The following ME1 variants were observed in gnomAD, a reference collection of about 807,000 sequenced individuals.
ME1 encodes NADP-dependent malic enzyme.
Under a neutral mutation model 66.4 loss-of-function variants are expected in ME1, and 74 were observed. That is an observed-to-expected ratio of 1.11 (90% CI 0.92 to 1.35). The LOEUF (loss-of-function observed/expected upper bound fraction) is 1.35, where lower values mean the gene tolerates loss of function less well. Ranked by LOEUF, ME1 falls within the 40% of genes most tolerant of loss-of-function variation. The probability of loss-of-function intolerance (pLI) is 0.00; values close to 1 mark genes in which losing one functional copy is unlikely to be tolerated. For missense variants in ME1, 750 were observed against 694.1 expected, an observed-to-expected ratio of 1.08 and a Z score of -0.90; for synonymous variants, 251 against 235.6, an observed-to-expected ratio of 1.07 and a Z score of -0.60.
chr6:83,286,107 C>T (rs944219473), intron 6 of ME1, among the ~76,000 whole-genome samples: 1 of 152,094 alleles, frequency 6.6e-6, no homozygotes, highest in African/African-American at 2.4e-5. Flanking sequence ...GAGTGTCGTG[C>T]ACTGATTAAA....
rs370388842 is a variant in ME1 at position 83,315,290 on chromosome 6, G to A, written c.704+20C>T. On this transcript the variant is annotated intron_variant, in intron 6 of 13. Transcript: ENST00000369705. ...TGTTATTGTTACTGACTAAAATATA[G>A]GTTAAATAAAGATACATACTTGGAA... The A allele has an allele frequency of 7.0e-7, 1 of 1,434,166 alleles. No homozygotes were observed. Among genetic ancestry groups the A allele is most frequent in the African/African-American group, 1.4e-5 (1 of 70,776 alleles). 88.8% of individuals were successfully genotyped at this position (1,434,166 alleles called of 1,614,324 possible).
intron 3 of ME1, 31 bp downstream of exon 3, chr6:83,398,336 C>T: frequency 1.4e-6 from 2 of 1,479,404 alleles, no homozygotes; most frequent in Non-Finnish European, 1.8e-6. Context: ...AATAAAGACA[C>T]AAGTTGCATA....
At chr6:83,264,923 A>C (rs1766961296) in intron 6 of ME1, among the ~76,000 whole-genome samples, 1 of 152,248 alleles carries the variant, frequency 6.6e-6, no homozygotes, top group Admixed American at 6.5e-5. Flanking sequence ...CCTGGTTTGA[A>C]AGGATTGACT....
intron 2 of ME1, among the ~76,000 whole-genome samples, chr6:83,400,751 C>T (rs1488468787): frequency 3.9e-5 from 6 of 152,182 alleles, no homozygotes; most frequent in Admixed American, 3.9e-4. Context: ...CCTCAAGAGG[C>T]TACCCTTTCC....
At chr6:83,281,682 T>C (rs1157712725) in intron 6 of ME1, among the ~76,000 whole-genome samples, 3 of 151,334 alleles carry the variant, frequency 2.0e-5, no homozygotes, top group Non-Finnish European at 4.4e-5. Context: ...GGTGGGAGTC[T>C]ATAATTCCAG....
intron 1 of ME1, among the ~76,000 whole-genome samples, chr6:83,422,673 C>G (rs762603424): frequency 1.3e-5 from 2 of 151,996 alleles, no homozygotes; most frequent in Non-Finnish European, 2.9e-5. Context: ...AATTTTAGAA[C>G]TTAAAAATAC....
chr6:83,362,042 C>A (rs1470236622), intron 3 of ME1, among the ~76,000 whole-genome samples: 1 of 152,198 alleles, frequency 6.6e-6, no homozygotes, highest in East Asian at 1.9e-4. Flanking sequence ...GCACAATATG[C>A]AGATAACACC....
At chr6:83,410,570 C>G (rs1316681394) in intron 1 of ME1, among the ~76,000 whole-genome samples, 1 of 151,884 alleles carries the variant, frequency 6.6e-6, no homozygotes, top group Non-Finnish European at 1.5e-5. Flanking sequence ...AGAGAAAACT[C>G]AATAGATTTT....
At chr6:83,218,925 T>A (rs562004357) in intron 12 of ME1, among the ~76,000 whole-genome samples, 1 of 152,338 alleles carries the variant, frequency 6.6e-6, no homozygotes, top group East Asian at 1.9e-4. Context: ...GACATTTGAA[T>A]TGGATATAAC....
intron 6 of ME1, 55 bp from the exon 7 acceptor site, chr6:83,253,793 T>C (rs1198744646): frequency 4.5e-6 from 4 of 893,736 alleles, no homozygotes; most frequent in Non-Finnish European, 7.2e-6. Flanking sequence ...TATTTAAAAA[T>C]AAACTTTTAA....
intron 5 of ME1, among the ~76,000 whole-genome samples, chr6:83,334,323 G>A (rs1224975258): frequency 2.5e-5 from 3 of 119,156 alleles, no homozygotes; most frequent in Non-Finnish European, 5.2e-5. Context: ...CTACGCCCAC[G>A]GAATCTCGCT....
intron 7 of ME1, among the ~76,000 whole-genome samples, chr6:83,242,556 C>T (rs1449671134): frequency 6.6e-6 from 1 of 151,990 alleles, no homozygotes; most frequent in Non-Finnish European, 1.5e-5. Context: ...GTTTCAGAAC[C>T]TCAGACAAGA....
intron 12 of ME1, among the ~76,000 whole-genome samples, chr6:83,220,678 T>C (rs2128523022): frequency 6.6e-6 from 1 of 152,340 alleles, no homozygotes; most frequent in Non-Finnish European, 1.5e-5. Context: ...AGTACTTTTC[T>C]TCTTTTTGGG....
intron 2 of ME1, among the ~76,000 whole-genome samples, chr6:83,406,908 T>G (rs777544288): frequency 6.6e-6 from 1 of 151,442 alleles, no homozygotes; most frequent in Admixed American, 6.6e-5. Flanking sequence ...GATTTTGGAT[T>G]TAACAAGCCT....
intron 9 of ME1, among the ~76,000 whole-genome samples, chr6:83,234,224 C>T (rs572591131): frequency 2.3e-4 from 35 of 152,294 alleles, no homozygotes; most frequent in Non-Finnish European, 4.9e-4. Context: ...AATAAAACCA[C>T]ATAGACTTCC....
Position 83,211,956 on chromosome 6 carries a change from C to A in ME1, c.1687G>T (p.Val563Leu), listed in dbSNP as rs549502006. Residue 563 changes from valine to leucine, a missense_variant, in exon 14 of 14, where the codon GTG (valine) becomes TTG (leucine). Val to Leu is a conservative substitution (Grantham distance 32). Coordinates refer to ENST00000369705, the MANE Select transcript of ME1 (RefSeq NM_002395.6). The stretch of plus-strand genomic sequence containing the variant: ...TCAACTTTGGTCTGTATTTTCTGCA[C>A]CTCTTCAGGCCAAGAATAACAATCA... ...LPDCYSWPEE[V>L]QKIQTKVDQ The A allele has an allele frequency of 1.6e-5, 26 of 1,604,718 alleles. No individual in the cohort carries two copies. The highest frequency in any genetic ancestry group is 2.0e-5 in the Non-Finnish European group (23 of 1,174,926).
In ME1 at chr6:83,216,232, G is replaced by A. The variant is rs181340975; in HGVS notation, c.1548+266C>T. 2.0e-5 allele frequency among the ~76,000 whole-genome samples: 3 copies of A among 152,270 alleles called. No individual in the cohort carries two copies. In the East Asian group the frequency reaches 5.8e-4, roughly 29 times the overall value. On this transcript the variant is annotated intron_variant, in intron 13 of 13. Coordinates refer to ENST00000369705, the MANE Select transcript of ME1 (RefSeq NM_002395.6). ...ATGGGAGAAATCTGGCTGACAGGAA[G>A]CCCTAATGAATTATTTAAATTTTAG...
At chr6:83,378,336 C>T (rs1769333112) in intron 3 of ME1, among the ~76,000 whole-genome samples, 2 of 152,134 alleles carry the variant, frequency 1.3e-5, no homozygotes, top group Admixed American at 6.5e-5. Flanking sequence ...GAAAAAAAGG[C>T]ATTTCTTTGA....
At chr6:83,285,990 A>G (rs905733564) in intron 6 of ME1, among the ~76,000 whole-genome samples, 3 of 152,232 alleles carry the variant, frequency 2.0e-5, no homozygotes, top group Non-Finnish European at 4.4e-5. Context: ...CTATTTTCAC[A>G]TTATACCAAA....
Sources: allele counts gnomAD v4.1 joint callset (sites outside exome capture counted in the v4.1 genomes callset), GRCh38; gene constraint gnomAD v4.1.1; transcripts MANE v1.5; gene names NCBI Gene and HGNC (gene_info 2026-07-23, HGNC 2026-07-21).